Variants in CLCN6 observed in about 807,000 individuals in gnomAD.
CLCN6 encodes the protein Cl-/H+ antiporter 6.
In CLCN6, 70 loss-of-function variants were observed where a neutral mutation model predicts 109.8. The observed-to-expected ratio is 0.64, with a 90% confidence interval of 0.53 to 0.78. The LOEUF (loss-of-function observed/expected upper bound fraction) is 0.78, where lower values mean the gene tolerates loss of function less well. Ranked by LOEUF, CLCN6 falls within the 30% of genes least tolerant of loss-of-function variation. CLCN6 has a pLI of 0.00. For synonymous variants in CLCN6, 444 were observed against 447.8 expected (o/e 0.99, Z 0.11); for missense variants, 984 against 1,142.3 (o/e 0.86, Z 2.00).
At chr1:11,809,157 C>A (rs939804353) in intron 2 of CLCN6, among the ~76,000 whole-genome samples, 3 of 152,054 alleles carry the variant, frequency 2.0e-5, no homozygotes, top group African/African-American at 7.2e-5. Flanking sequence ...CTATACCTGG[C>A]CATTTTCTTC....
intron 9 of CLCN6, 126 bp downstream of exon 9, chr1:11,826,340 C>T (rs546342317): frequency 6.3e-5 from 48 of 757,044 alleles, no homozygotes; most frequent in South Asian, 8.3e-5. Flanking sequence ...GAGAAGGGGG[C>T]GGGCTTTGAA....
At chr1:11,820,378 G>C in intron 5 of CLCN6, 1 of 716,496 alleles carries the variant, frequency 1.4e-6, no homozygotes, top group Non-Finnish European at 2.6e-6. Context: ...TCCAGATGAA[G>C]ATGTAAATAT....
At chr1:11,813,334 T>G (rs1644626679) in intron 2 of CLCN6, among the ~76,000 whole-genome samples, 1 of 152,088 alleles carries the variant, frequency 6.6e-6, no homozygotes, top group South Asian at 2.1e-4. Flanking sequence ...TATGGATGAG[T>G]CTAGTTTCTA....
intron 17 of CLCN6, 103 bp from the exon 18 acceptor site, chr1:11,835,864 C>T (rs1296460990): frequency 8.8e-6 from 8 of 911,638 alleles, no homozygotes; most frequent in African/African-American, 1.7e-5. Context: ...AAGAGCCCCC[C>T]ACCCCGCCCG....
intron 6 of CLCN6, among the ~76,000 whole-genome samples, chr1:11,823,478 A>C (rs1016763669): frequency 1.0e-4 from 10 of 99,246 alleles, no homozygotes; most frequent in Middle Eastern, 9.4e-3. Flanking sequence ...ACTCTACCTC[A>C]AAAAAAAAAA....
intron 2 of CLCN6, among the ~76,000 whole-genome samples, chr1:11,811,056 C>G (rs55800247): frequency 1.3e-5 from 2 of 151,938 alleles, no homozygotes; most frequent in East Asian, 3.9e-4. Flanking sequence ...ACAACAAATA[C>G]GAAAAAATTA....
At chr1:11,838,309 G>A (rs371616567) in intron 20 of CLCN6, 26 bp from the exon 21 acceptor site, 213 of 1,607,104 alleles carry the variant, frequency 1.3e-4, no homozygotes, top group Non-Finnish European at 1.6e-4. Context: ...GCCTGAGCAC[G>A]GACAGTGTCT....
At chr1:11,835,673 C>T (rs1394959256) in intron 17 of CLCN6, among the ~76,000 whole-genome samples, 1 of 152,200 alleles carries the variant, frequency 6.6e-6, no homozygotes, top group African/African-American at 2.4e-5. Context: ...GCGTGGCCAG[C>T]CCCTGGACCA....
Position 11,834,448 on chromosome 1 carries a change from CAGGACCTATTTTT to C in CLCN6, c.1687-32_1687-20del. ...CAGGCTCAGGGCCACGTCCGCCCCACAGGACCTATTTTTAGGTCTTTGCTTTGTGTTTCAGGTG... is the reference window on the plus strand; with the variant it reads ...CAGGCTCAGGGCCACGTCCGCCCCACAGGTCTTTGCTTTGTGTTTCAGGTG... On this transcript the variant is annotated intron_variant, in intron 16 of 22. Transcript: ENST00000346436. This position sits in a 1 kb window ranked among gnomAD's most constrained non-coding sequence, Gnocchi z 4.5. The C allele has an allele frequency of 6.2e-7, 1 of 1,613,516 alleles. No homozygotes were observed. The highest frequency in any genetic ancestry group is 8.5e-7 in the Non-Finnish European group (1 of 1,179,518).
chr1:11,830,967 GGGATTACA>G (rs1383499867), intron 13 of CLCN6, among the ~76,000 whole-genome samples: 3 of 151,680 alleles, frequency 2.0e-5, no homozygotes, highest in South Asian at 4.2e-4. Context: ...CCGAGTAACT[GGGATTACA>G]GGCACCCACC....
At position 11,837,156 on chromosome 1, in the gene CLCN6, G is replaced by A; in HGVS notation, c.2138G>A (p.Arg713Lys). 1 of 1,612,192 alleles carries A rather than the reference G, an allele frequency of 6.2e-7. No homozygotes were observed. The highest frequency in any genetic ancestry group is 2.2e-5 in the East Asian group (1 of 44,878). ...EDLLQQMLER[R>K]YTPYPNLYPD... Reference sequence around the variant, plus strand: ...CTCCTGCAGCAGATGCTGGAAAGGAGGTGAGAGCCTGGCGGGGCCCCCACT... The same window carrying A: ...CTCCTGCAGCAGATGCTGGAAAGGAAGTGAGAGCCTGGCGGGGCCCCCACT... The change falls in exon 19 of 23, where the codon AGA (arginine) becomes AAA (lysine). Residue 713 changes from arginine (R) to lysine (K), a missense_variant and splice_region_variant. Arg to Lys is a conservative substitution (Grantham distance 26). Coordinates refer to ENST00000346436, the MANE Select transcript of CLCN6 (RefSeq NM_001286.5).
rs1644915808 is a variant in CLCN6, at chr1:11,834,152, AG to A, written c.1527-82del. On this transcript the variant is annotated intron_variant, in intron 15 of 22. Transcript: ENST00000346436. This position sits in a 1 kb window ranked among gnomAD's most constrained non-coding sequence, Gnocchi z 4.5. ...TGCCCATGCATGCACATATGTGCAT[AG>A]GCACAAGAGTATGAGCTGTAGGTCC... 6.3e-7 allele frequency: 1 copy of A among 1,588,326 alleles called. No individual in the cohort carries two copies. Among genetic ancestry groups the A allele is most frequent in the Non-Finnish European group, 8.6e-7 (1 of 1,165,850 alleles).
Position 11,842,180 on chromosome 1 carries a change from G to A in CLCN6, c.*1957G>A, listed in dbSNP as rs1645032977. On this transcript the variant is annotated 3_prime_UTR_variant, in exon 23 of 23. Coordinates refer to ENST00000346436, the MANE Select transcript of CLCN6 (RefSeq NM_001286.5). ...AGCTAACGCCCTGCAGGAGGACCCCGGCCTCTCGAGGGCTGGATCAGCAGC... is the reference window on the plus strand; with the variant it reads ...AGCTAACGCCCTGCAGGAGGACCCCAGCCTCTCGAGGGCTGGATCAGCAGC... The A allele has an allele frequency of 6.6e-6, 1 of 152,206 alleles. No individual in the cohort carries two copies. The highest frequency in any genetic ancestry group is 2.4e-5 in the African/African-American group (1 of 41,422). The allele number at this position is 152,206 out of a possible 1,614,324, so 9.4% of individuals were successfully genotyped here.
At chr1:11,823,491 A>T (rs76823085) in intron 6 of CLCN6, among the ~76,000 whole-genome samples, 5,581 of 150,598 alleles carry the variant, frequency 0.037, 153 homozygotes, top group Middle Eastern at 0.076. Flanking sequence ...AAAAAAAAAG[A>T]AAAAAAAGTG....
chr1:11,837,082 CAT>C lies in CLCN6; in HGVS notation c.2065_2066del (p.Met689ValfsTer2), dbSNP rs751904598. 15 of 1,613,448 alleles carry C rather than the reference CAT, an allele frequency of 9.3e-6. No individual in the cohort carries two copies. The highest frequency in any genetic ancestry group is 2.2e-5 in the East Asian group (1 of 44,898). ...KSYPSSELRNMCDEHIASEEP... is the reference protein window; with the variant it reads ...KSYPSSELRNXCDEHIASEEP... Reference sequence around the variant, plus strand: ...CCTACCCATCCAGCGAGCTACGGAACATGTGTGATGAGCACATCGCCTCTGAG... The same window carrying C: ...CCTACCCATCCAGCGAGCTACGGAACGTGTGATGAGCACATCGCCTCTGAG... On this transcript the variant is annotated frameshift_variant, in exon 19 of 23. Transcript: ENST00000346436. LOFTEE classifies it high-confidence loss of function.
chr1:11,837,180 C>A, intron 19 of CLCN6, 24 bp downstream of exon 19: 1 of 1,610,944 alleles, frequency 6.2e-7, no homozygotes, highest in South Asian at 1.1e-5. Context: ...GGGGCCCCCA[C>A]TGCCCGCAGG....
At chr1:11,826,597 T>G (rs1399574349) in intron 9 of CLCN6, among the ~76,000 whole-genome samples, 1 of 152,210 alleles carries the variant, frequency 6.6e-6, no homozygotes, top group Non-Finnish European at 1.5e-5. Flanking sequence ...GTATCAGATG[T>G]GTGTGTTACT....
chr1:11,836,279 C>T lies in CLCN6; in HGVS notation c.1980+126C>T, dbSNP rs1644948892. 1.9e-5 allele frequency: 15 copies of T among 802,476 alleles called. No homozygotes were observed. In the South Asian group the frequency reaches 2.7e-4, roughly 15 times the overall value. 49.7% of individuals were successfully genotyped at this position (802,476 alleles called of 1,614,324 possible). ...GCTCTCAGGGGAAGTTGGCACTGTT[C>T]TCATCACATGCGACAGGGAGAGTAG... On this transcript the variant is annotated intron_variant, in intron 18 of 22. Transcript: ENST00000346436.
intron 14 of CLCN6, 95 bp from the exon 15 acceptor site, chr1:11,833,782 A>T: frequency 6.4e-7 from 1 of 1,559,040 alleles, no homozygotes; most frequent in Non-Finnish European, 8.7e-7. Context: ...CTGTGTTGGA[A>T]GGGGAACTGG....
Sources: gnomAD v4.1 joint callset for allele counts (sites outside exome capture counted in the v4.1 genomes callset) on GRCh38, gnomAD v4.1.1 for gene constraint, Gnocchi (gnomAD v3.1) non-coding constraint, MANE v1.5 for transcripts, NCBI Gene and HGNC (gene_info 2026-07-23, HGNC 2026-07-21) for gene names.